RIMS1: variants seen among roughly 807,000 people sequenced by gnomAD.
The protein encoded by RIMS1 is regulating synaptic membrane exocytosis protein 1.
RIMS1 carries 83 observed loss-of-function variants against 214.1 expected under a neutral mutation model. That is an observed-to-expected ratio of 0.39 (90% CI 0.32 to 0.47). The LOEUF is 0.47. Among genes scored for constraint, RIMS1 ranks in the 20% least tolerant of loss-of-function variants. The pLI is 0.99. For synonymous variants in RIMS1, 793 were observed against 786.8 expected (o/e 1.01, Z -0.13); for missense variants, 2,050 against 2,161.8 (o/e 0.95, Z 1.03).
In RIMS1 at chr6:72,178,138, A is replaced by G. The variant is rs188635198; in HGVS notation, c.472-1437A>G. ...TGACTGGGAAAGTCTAAATAAATCAATTAACCTTCATGAATTTTAAATTTT... is the reference window on the plus strand; with the variant it reads ...TGACTGGGAAAGTCTAAATAAATCAGTTAACCTTCATGAATTTTAAATTTT... On this transcript the variant is annotated intron_variant, in intron 4 of 33. Transcript: ENST00000521978. Among the ~76,000 whole-genome samples the G allele has an allele frequency of 3.1e-4, 47 of 152,290 alleles. No individual in the cohort carries two copies. In the East Asian group the frequency reaches 5.8e-3, roughly 19 times the overall value.
intron 29 of RIMS1, among the ~76,000 whole-genome samples, chr6:72,375,781 G>A (rs2098357896): frequency 6.6e-6 from 1 of 150,758 alleles, no homozygotes; most frequent in South Asian, 2.1e-4. Context: ...GATATGGCCT[G>A]TAGGGGATCT....
intron 2 of RIMS1, among the ~76,000 whole-genome samples, chr6:72,068,217 A>G (rs2152286652): frequency 6.6e-6 from 1 of 152,330 alleles, no homozygotes. Context: ...ATATTCTACC[A>G]TGTTCCATCT....
intron 2 of RIMS1, among the ~76,000 whole-genome samples, chr6:72,078,995 A>G (rs930961688): frequency 5.1e-4 from 78 of 152,300 alleles, no homozygotes; most frequent in African/African-American, 1.7e-3. Flanking sequence ...ACTTCCTAAG[A>G]AAAGGTGGAA....
chr6:72,146,136 C>T (rs981356538), intron 4 of RIMS1, among the ~76,000 whole-genome samples: 18 of 152,174 alleles, frequency 1.2e-4, no homozygotes, highest in African/African-American at 4.1e-4. Context: ...TTCTGCATGA[C>T]ATTCATGAGT....
At chr6:71,993,470 G>T (rs1354410089) in intron 2 of RIMS1, among the ~76,000 whole-genome samples, 1 of 152,096 alleles carries the variant, frequency 6.6e-6, no homozygotes, top group Non-Finnish European at 1.5e-5. Context: ...TTTTGACTTG[G>T]CATATTTTTG....
chr6:72,304,735 C>G (rs2094975846), intron 26 of RIMS1, among the ~76,000 whole-genome samples: 1 of 151,818 alleles, frequency 6.6e-6, no homozygotes, highest in Non-Finnish European at 1.5e-5. Context: ...AGAATATGCA[C>G]TAAGGCACAT....
chr6:72,021,711 C>T (rs1814736869), intron 2 of RIMS1, among the ~76,000 whole-genome samples: 1 of 152,140 alleles, frequency 6.6e-6, no homozygotes, highest in Non-Finnish European at 1.5e-5. Context: ...TGTGGTGCCT[C>T]ACCAGGTCCA....
chr6:72,285,610 AGT>A (rs746193274), intron 24 of RIMS1, among the ~76,000 whole-genome samples: 4 of 152,198 alleles, frequency 2.6e-5, no homozygotes, highest in Non-Finnish European at 5.9e-5. Context: ...ACTCATGAAA[AGT>A]GTTGAGTAGT....
chr6:72,332,375 G>A (rs1386571035), intron 28 of RIMS1, among the ~76,000 whole-genome samples: 6 of 151,682 alleles, frequency 4.0e-5, no homozygotes, highest in Non-Finnish European at 8.8e-5. Flanking sequence ...AGCTGCATAT[G>A]CATTGTAATT....
At chr6:72,014,866 A>G (rs1812159649) in intron 2 of RIMS1, among the ~76,000 whole-genome samples, 1 of 152,190 alleles carries the variant, frequency 6.6e-6, no homozygotes, top group East Asian at 1.9e-4. Flanking sequence ...CTTTCATGAT[A>G]TATCCTCTTT....
intron 2 of RIMS1, among the ~76,000 whole-genome samples, chr6:72,030,899 C>T (rs891928852): frequency 6.6e-6 from 1 of 152,120 alleles, no homozygotes; most frequent in Non-Finnish European, 1.5e-5. Flanking sequence ...GGAAAGACGG[C>T]ACACAAAGTA....
intron 31 of RIMS1, among the ~76,000 whole-genome samples, chr6:72,397,263 T>TC (rs2154450717): frequency 6.6e-6 from 1 of 152,268 alleles, no homozygotes; most frequent in South Asian, 2.1e-4. Flanking sequence ...ACAAATATTT[T>TC]CATGAAATAA....
chr6:72,059,442 T>A (rs1827254873), intron 2 of RIMS1, among the ~76,000 whole-genome samples: 1 of 152,132 alleles, frequency 6.6e-6, no homozygotes, highest in South Asian at 2.1e-4. Context: ...TTGCCTAGGC[T>A]GGTCTTGAAC....
chr6:72,267,681 A>G (rs920639892), intron 22 of RIMS1, among the ~76,000 whole-genome samples: 1 of 152,150 alleles, frequency 6.6e-6, no homozygotes, highest in African/African-American at 2.4e-5. Context: ...TGTACTGGAC[A>G]GTGCAGGTCT....
At chr6:72,025,721 C>T (rs1057490294) in intron 2 of RIMS1, among the ~76,000 whole-genome samples, 1 of 152,172 alleles carries the variant, frequency 6.6e-6, no homozygotes, top group African/African-American at 2.4e-5. Context: ...CTATAATCGT[C>T]TCTTGTATCT....
rs540282774 is a variant in RIMS1, at chr6:72,213,244, T to G, written c.1679-20529T>G. The G allele has an allele frequency of 4.2e-4, 646 of 1,525,650 alleles. 1 individual carries two copies. The highest frequency in any genetic ancestry group is 5.1e-4 in the Non-Finnish European group (584 of 1,140,086). The allele number at this position is 1,525,650 out of a possible 1,614,324, so 94.5% of individuals were successfully genotyped here. On this transcript the variant is annotated intron_variant, in intron 6 of 33. Coordinates refer to ENST00000521978, the MANE Select transcript of RIMS1 (RefSeq NM_014989.7). ...GCTGGTAAGCAATAGATAATGGTAA[T>G]CCCACTTCATTTTGTCCCAGTTGTA... is the stretch of plus-strand genomic sequence containing the variant.
intron 4 of RIMS1, among the ~76,000 whole-genome samples, chr6:72,110,013 G>A (rs866753390): frequency 1.2e-4 from 18 of 152,012 alleles, no homozygotes; most frequent in African/African-American, 3.9e-4. Flanking sequence ...GATAGTTTTA[G>A]ATATGTGGCG....
At chr6:71,963,665 C>T (rs1793617834) in intron 1 of RIMS1, among the ~76,000 whole-genome samples, 1 of 152,004 alleles carries the variant, frequency 6.6e-6, no homozygotes, top group Non-Finnish European at 1.5e-5. Context: ...TTTTCTTGTG[C>T]AGAAAGAGAG....
intron 6 of RIMS1, among the ~76,000 whole-genome samples, chr6:72,199,779 T>G (rs2051611760): frequency 6.6e-6 from 1 of 152,094 alleles, no homozygotes; most frequent in African/African-American, 2.4e-5. Flanking sequence ...CATCTTGTCT[T>G]TAATCAGTTT....
Sources: gnomAD v4.1 joint callset for allele counts (sites outside exome capture counted in the v4.1 genomes callset) on GRCh38, gnomAD v4.1.1 for gene constraint, MANE v1.5 for transcripts, NCBI Gene and HGNC (gene_info 2026-07-23, HGNC 2026-07-21) for gene names.